The following CSGALNACT1 variants were observed in gnomAD, a reference collection of about 807,000 sequenced individuals.
CSGALNACT1 encodes the protein beta4GalNAcT-1.
Under a neutral mutation model 51.0 loss-of-function variants are expected in CSGALNACT1, and 52 were observed. That is an observed-to-expected ratio of 1.02 (90% CI 0.82 to 1.29). The LOEUF is 1.29. Ranked by LOEUF, CSGALNACT1 falls within the 50% of genes most tolerant of loss-of-function variation. The pLI is 0.00. For synonymous variants in CSGALNACT1, 341 were observed against 254.4 expected (o/e 1.34, Z -3.24); for missense variants, 935 against 679.2 (o/e 1.38, Z -4.19).
At chr8:19,610,326 G>A (rs1465435505) in intron 1 of CSGALNACT1, among the ~76,000 whole-genome samples, 3 of 150,084 alleles carry the variant, frequency 2.0e-5, no homozygotes, top group African/African-American at 5.0e-5. Flanking sequence ...CAGAAGAGGG[G>A]AAGGGAAGTG....
At chr8:19,547,527 G>T (rs192459222) in intron 3 of CSGALNACT1, among the ~76,000 whole-genome samples, 1 of 152,056 alleles carries the variant, frequency 6.6e-6, no homozygotes, top group African/African-American at 2.4e-5. Context: ...CCTTCGCTTG[G>T]CTCTCGTTTC....
chr8:19,582,487 G>C (rs7821389), intron 3 of CSGALNACT1, among the ~76,000 whole-genome samples: 5,066 of 152,216 alleles, frequency 0.033, 301 homozygotes, highest in African/African-American at 0.11. Context: ...CTGTAGTTCA[G>C]CTGTGAAGAA....
intron 1 of CSGALNACT1, among the ~76,000 whole-genome samples, chr8:19,667,730 C>T (rs771650288): frequency 6.6e-6 from 1 of 151,984 alleles, no homozygotes; most frequent in Non-Finnish European, 1.5e-5. Flanking sequence ...GCTTCGTGAT[C>T]AAAAATGTAA....
intron 3 of CSGALNACT1, among the ~76,000 whole-genome samples, chr8:19,557,362 T>C (rs946789657): frequency 1.3e-5 from 2 of 152,178 alleles, no homozygotes; most frequent in Non-Finnish European, 2.9e-5. Flanking sequence ...GAGGGATCCT[T>C]GCAAAACTAA....
rs1349240958 is a variant in CSGALNACT1, at chr8:19,601,518, A to C, written c.-416+253T>G. On this transcript the variant is annotated intron_variant, in intron 2 of 9. Coordinates refer to ENST00000454498, the Ensembl canonical transcript of CSGALNACT1. ...TCACTTGCCACTCTGAGAAGAGATA[A>C]ATCCTTAAAAAGTTGGGAAAGTTAG... 2.6e-5 allele frequency among the ~76,000 whole-genome samples: 4 copies of C among 152,246 alleles called. No homozygotes were observed. The East Asian group carries it at 5.8e-4, about 22-fold the overall frequency.
intron 4 of CSGALNACT1, among the ~76,000 whole-genome samples, chr8:19,491,610 T>G (rs561417663): frequency 6.6e-6 from 1 of 152,376 alleles, no homozygotes; most frequent in South Asian, 2.1e-4. Flanking sequence ...GTATATCAGA[T>G]ATCTGTATCT....
chr8:19,505,623 T>C, exon 4 of CSGALNACT1: 1 of 1,614,150 alleles, frequency 6.2e-7, no homozygotes, highest in Non-Finnish European at 8.5e-7. Context: ...GCTGCTCACG[T>C]AGTTGCGGTG....
At chr8:19,674,688 C>T (rs2060041829) in intron 1 of CSGALNACT1, among the ~76,000 whole-genome samples, 1 of 152,022 alleles carries the variant, frequency 6.6e-6, no homozygotes, top group Non-Finnish European at 1.5e-5. Context: ...TCTAACTTAC[C>T]TTCTAACTTA....
At chr8:19,551,260 T>C (rs952080248) in intron 3 of CSGALNACT1, among the ~76,000 whole-genome samples, 5 of 152,204 alleles carry the variant, frequency 3.3e-5, no homozygotes, top group African/African-American at 9.7e-5. Flanking sequence ...GACTTGCTCA[T>C]TGATGAGTGA....
chr8:19,573,399 G>T (rs1379722457), intron 3 of CSGALNACT1, among the ~76,000 whole-genome samples: 1 of 151,866 alleles, frequency 6.6e-6, no homozygotes, highest in Non-Finnish European at 1.5e-5. Context: ...GGACCTTTCT[G>T]TTCACTCTTA....
chr8:19,663,545 G>C (rs996816296), intron 1 of CSGALNACT1, among the ~76,000 whole-genome samples: 1 of 152,298 alleles, frequency 6.6e-6, no homozygotes. Context: ...TGCTTCCACA[G>C]GGAAGAAACA....
Position 19,658,454 on chromosome 8 carries a change from C to T in CSGALNACT1, c.-544+24019G>A, listed in dbSNP as rs113404642. Reference sequence around the variant, plus strand: ...GGAATCTCAAAAACCAAACAAGAGGCCGGGCATGGTGGTTCATGCCTGTAA... The same window carrying T: ...GGAATCTCAAAAACCAAACAAGAGGTCGGGCATGGTGGTTCATGCCTGTAA... On this transcript the variant is annotated intron_variant, in intron 1 of 9. Coordinates refer to the CSGALNACT1 transcript ENST00000332246. Among the ~76,000 whole-genome samples the T allele has an allele frequency of 5.8e-3, 889 of 152,296 alleles. 8 individuals carry two copies. Among genetic ancestry groups the T allele is most frequent in the African/African-American group, 0.02 (843 of 41,556 alleles).
intron 1 of CSGALNACT1, among the ~76,000 whole-genome samples, chr8:19,666,366 C>A (rs1564381409): frequency 6.6e-6 from 1 of 152,110 alleles, no homozygotes; most frequent in Non-Finnish European, 1.5e-5. Flanking sequence ...CTACTTCTTC[C>A]TATTCTATTT....
At position 19,706,143 on chromosome 8, in the gene CSGALNACT1, A is replaced by G. The variant is rs561223828; in HGVS notation, c.-297+51707T>C. Among the ~76,000 whole-genome samples the G allele has an allele frequency of 2.6e-5, 4 of 152,342 alleles. No individual in the cohort carries two copies. In the South Asian group the frequency reaches 8.3e-4, roughly 32 times the overall value. The stretch of plus-strand genomic sequence containing the variant: ...ACAAAGCAAATAGCATGCAAGGATG[A>G]CAACGGGGGACAGCTGTGTGAGGCC... On this transcript the variant is annotated intron_variant, in intron 1 of 1. Coordinates refer to the CSGALNACT1 transcript ENST00000517494.
At chr8:19,578,806 CT>C (rs1167292670) in intron 3 of CSGALNACT1, among the ~76,000 whole-genome samples, 1 of 152,186 alleles carries the variant, frequency 6.6e-6, no homozygotes, top group Non-Finnish European at 1.5e-5. Flanking sequence ...AAGGTCACCC[CT>C]GATTTCCATA....
chr8:19,524,635 T>C (rs1025524709), intron 3 of CSGALNACT1, among the ~76,000 whole-genome samples: 2 of 152,100 alleles, frequency 1.3e-5, no homozygotes, highest in African/African-American at 4.8e-5. Flanking sequence ...ATAAATGCAA[T>C]TATCCTGTGG....
rs75311561 is a variant in CSGALNACT1, at chr8:19,511,425, C to T, written c.-296-5295G>A. On this transcript the variant is annotated intron_variant, in intron 3 of 9. Transcript: ENST00000454498. ...ATTAGCTGTACCAACAGAACATAAA[C>T]TCAAGTCATATCTCTCGGATAAACA... Among the ~76,000 whole-genome samples the T allele has an allele frequency of 9.6e-3, 1,469 of 152,284 alleles. 22 individuals are homozygous for T. The highest frequency in any genetic ancestry group is 0.037 in the South Asian group (176 of 4,818).
chr8:19,454,783 A>T (rs1247023255), intron 5 of CSGALNACT1, among the ~76,000 whole-genome samples: 7 of 126,864 alleles, frequency 5.5e-5, no homozygotes, highest in South Asian at 2.6e-4. Flanking sequence ...AACTTACAAA[A>T]TGTAGTAAAA....
intron 1 of CSGALNACT1, among the ~76,000 whole-genome samples, chr8:19,666,809 A>AAGAAAGAGAGAGAG (rs1564383214): frequency 8.0e-5 from 2 of 25,062 alleles, no homozygotes; most frequent in East Asian, 9.4e-4. Context: ...GAAAGAAAGA[A>AAGAAAGAGAGAGAG]AGAGAGAGAG....
Sources: allele counts gnomAD v4.1 joint callset (sites outside exome capture counted in the v4.1 genomes callset), GRCh38; gene constraint gnomAD v4.1.1; transcripts MANE v1.5; gene names NCBI Gene and HGNC (gene_info 2026-07-23, HGNC 2026-07-21).